Variants in MAN1C1 observed in about 807,000 individuals in gnomAD.
MAN1C1 encodes mannosidase alpha class 1C member 1, also known as mannosyl-oligosaccharide 1,2-alpha-mannosidase IC.
A neutral mutation model predicts 71.5 loss-of-function variants in MAN1C1; 49 were observed. The ratio of observed to expected loss-of-function variants is 0.69; its 90% CI spans 0.54 to 0.87. MAN1C1 has a LOEUF of 0.87. MAN1C1 is among the 40% of genes least tolerant of loss of function. The pLI is 0.00. For synonymous variants in MAN1C1, 352 were observed against 343.7 expected, an observed-to-expected ratio of 1.02 and a Z score of -0.27; for missense variants, 743 against 835.0, an observed-to-expected ratio of 0.89 and a Z score of 1.36.
At chr1:25,679,978 T>TATAC (rs1553185895) in intron 1 of MAN1C1, among the ~76,000 whole-genome samples, 9 of 127,210 alleles carry the variant, frequency 7.1e-5, no homozygotes, top group African/African-American at 2.3e-4. Flanking sequence ...TATATATATA[T>TATAC]ACACACACAC....
chr1:25,652,362 G>C (rs983923609), intron 1 of MAN1C1, among the ~76,000 whole-genome samples: 1 of 152,210 alleles, frequency 6.6e-6, no homozygotes, highest in Non-Finnish European at 1.5e-5. Flanking sequence ...ATCACTCACT[G>C]CCAAGGAGTC....
intron 7 of MAN1C1, among the ~76,000 whole-genome samples, chr1:25,765,970 G>GATAACAGTTGCTGGTA (rs2047421592): frequency 6.6e-6 from 1 of 152,168 alleles, no homozygotes; most frequent in African/African-American, 2.4e-5. Context: ...GAGGCAGTTC[G>GATAACAGTTGCTGGTA]ATAACAGTTG....
chr1:25,651,130 A>C (rs2045685876), intron 1 of MAN1C1, among the ~76,000 whole-genome samples: 2 of 152,202 alleles, frequency 1.3e-5, no homozygotes, highest in African/African-American at 4.8e-5. Flanking sequence ...TGTTCTGGAA[A>C]TCAGCAGATC....
intron 1 of MAN1C1, among the ~76,000 whole-genome samples, chr1:25,647,116 C>T (rs1308472047): frequency 1.3e-5 from 2 of 152,168 alleles, no homozygotes; most frequent in East Asian, 3.8e-4. Context: ...TGGAGTGACC[C>T]TCAGTGGAGG....
chr1:25,758,853 T>C, intron 6 of MAN1C1, 144 bp downstream of exon 6: 1 of 712,366 alleles, frequency 1.4e-6, no homozygotes, highest in Non-Finnish European at 2.5e-6. Flanking sequence ...ACCACTAAGG[T>C]AGCAAATAGT....
intron 7 of MAN1C1, among the ~76,000 whole-genome samples, chr1:25,771,398 G>A (rs1054027804): frequency 6.6e-6 from 1 of 152,376 alleles, no homozygotes; most frequent in African/African-American, 2.4e-5. Flanking sequence ...GCTAAGGCGA[G>A]GTGATTTATA....
chr1:25,748,147 C>G (rs2047162720), intron 3 of MAN1C1, among the ~76,000 whole-genome samples: 1 of 152,138 alleles, frequency 6.6e-6, no homozygotes, highest in Non-Finnish European at 1.5e-5. Context: ...CCCACAGTGC[C>G]TTAGGAGCTG....
chr1:25,731,093 G>A (rs1227346606), intron 2 of MAN1C1, among the ~76,000 whole-genome samples: 2 of 152,238 alleles, frequency 1.3e-5, no homozygotes, highest in Non-Finnish European at 2.9e-5. Context: ...GAGGTGGACA[G>A]ACCGCCTGAG....
intron 2 of MAN1C1, among the ~76,000 whole-genome samples, chr1:25,721,217 C>T (rs2046761243): frequency 6.6e-6 from 1 of 152,102 alleles, no homozygotes; most frequent in African/African-American, 2.4e-5. Flanking sequence ...AAACTCCTAG[C>T]TTCAAGCAAT....
intron 8 of MAN1C1, 116 bp from the exon 9 acceptor site, chr1:25,777,989 G>A (rs931006818): frequency 2.6e-6 from 2 of 760,848 alleles, no homozygotes; most frequent in Admixed American, 3.1e-5. Context: ...GGGATGGAGG[G>A]CTTGGCAGAG....
chr1:25,784,082 C>A lies in MAN1C1; in HGVS notation c.*293C>A, dbSNP rs994271132. On this transcript the variant is annotated 3_prime_UTR_variant, in exon 12 of 12. Coordinates refer to ENST00000374332, the MANE Select transcript of MAN1C1 (RefSeq NM_020379.4). ...AAGGACCGGAGGTTTGCATATCCGC[C>A]CCTTGTATTTGATTTGCTTCCTTTT... 1.0e-5 allele frequency: 3 copies of A among 300,528 alleles called. No individual in the cohort carries two copies. Among genetic ancestry groups the A allele is most frequent in the Non-Finnish European group, 1.2e-5 (2 of 161,820 alleles). The allele number at this position is 300,528 out of a possible 1,614,324, so 18.6% of individuals were successfully genotyped here.
chr1:25,725,804 G>C lies in MAN1C1; in HGVS notation c.638-20864G>C, dbSNP rs933094788. On this transcript the variant is annotated intron_variant, in intron 2 of 11. Transcript: ENST00000374332. The surrounding 1 kb of genome is among the most constrained non-coding windows in gnomAD (Gnocchi z 4.8). ...GGGAGACTGCGCCATCTGAAAGCCG[G>C]GGGCTGGGTTCAAGGCACCTGAGAA... 3.9e-5 allele frequency among the ~76,000 whole-genome samples: 6 copies of C among 152,242 alleles called. No homozygotes were observed. Among genetic ancestry groups the C allele is most frequent in the African/African-American group, 1.4e-4 (6 of 41,464 alleles).
chr1:25,712,913 T>C (rs1290050844), intron 2 of MAN1C1, among the ~76,000 whole-genome samples: 1 of 152,218 alleles, frequency 6.6e-6, no homozygotes, highest in Non-Finnish European at 1.5e-5. Flanking sequence ...AGGGACTTTC[T>C]CAGATACTTT....
rs1241696326 is a variant in MAN1C1 at position 25,725,308 on chromosome 1, A to G, written c.638-21360A>G. 1.3e-5 allele frequency among the ~76,000 whole-genome samples: 2 copies of G among 152,208 alleles called. No individual in the cohort carries two copies. The highest frequency in any genetic ancestry group is 1.9e-4 in the East Asian group (1 of 5,200). On this transcript the variant is annotated intron_variant, in intron 2 of 11. Coordinates refer to ENST00000374332, the MANE Select transcript of MAN1C1 (RefSeq NM_020379.4). The surrounding 1 kb of genome is among the most constrained non-coding windows in gnomAD (Gnocchi z 4.8). The stretch of plus-strand genomic sequence containing the variant: ...CTAGGCCAGCTCTGGGATGGATGCT[A>G]GAGATGCAAAGGTGCACTGGCCACG...
chr1:25,683,922 G>A (rs187095823), intron 1 of MAN1C1, among the ~76,000 whole-genome samples: 160 of 152,322 alleles, frequency 1.1e-3, no homozygotes, highest in African/African-American at 3.5e-3. Context: ...AGTCCCCAGC[G>A]ATGCTGGGAT....
At chr1:25,626,522 C>G (rs1337671680) in intron 1 of MAN1C1, among the ~76,000 whole-genome samples, 1 of 151,880 alleles carries the variant, frequency 6.6e-6, no homozygotes, top group Admixed American at 6.6e-5. Context: ...CCACGCCTGG[C>G]TCATTTTTTG....
chr1:25,676,377 G>A (rs2046068790), intron 1 of MAN1C1, among the ~76,000 whole-genome samples: 1 of 152,162 alleles, frequency 6.6e-6, no homozygotes, highest in African/African-American at 2.4e-5. Flanking sequence ...CCCGTGCCCA[G>A]CTTCTGAGCG....
intron 8 of MAN1C1, 142 bp from the exon 9 acceptor site, chr1:25,777,963 T>A: frequency 1.6e-6 from 1 of 630,708 alleles, no homozygotes; most frequent in Non-Finnish European, 2.7e-6. Flanking sequence ...CAGAGATCAA[T>A]GGGCCTCCTT....
chr1:25,670,537 G>T (rs984608806), intron 1 of MAN1C1, among the ~76,000 whole-genome samples: 6 of 152,220 alleles, frequency 3.9e-5, no homozygotes, highest in Admixed American at 3.9e-4. Flanking sequence ...TCAAAGAGAA[G>T]CAGACATAAG....
Sources: gnomAD v4.1 joint callset for allele counts (sites outside exome capture counted in the v4.1 genomes callset) on GRCh38, gnomAD v4.1.1 for gene constraint, Gnocchi (gnomAD v3.1) non-coding constraint, MANE v1.5 for transcripts, NCBI Gene and HGNC (gene_info 2026-07-23, HGNC 2026-07-21) for gene names.